Variants in TBC1D12 observed in about 807,000 individuals in gnomAD.
TBC1D12 encodes the protein TBC1 domain family, member 12.
TBC1D12 carries 56 observed loss-of-function variants against 86.7 expected under a neutral mutation model. The observed-to-expected ratio is 0.65, with a 90% CI of 0.52 to 0.81. The LOEUF is 0.81. Ranked by LOEUF, TBC1D12 falls within the 30% of genes least tolerant of loss-of-function variation. TBC1D12 has a pLI of 0.00. For missense variants in TBC1D12, 1,023 were observed against 1,038.8 expected (o/e 0.98, Z 0.21); for synonymous variants, 421 against 411.7 (o/e 1.02, Z -0.27).
At chr10:94,437,146 T>C (rs1037460152) in intron 1 of TBC1D12, among the ~76,000 whole-genome samples, 5 of 152,198 alleles carry the variant, frequency 3.3e-5, no homozygotes, top group African/African-American at 1.2e-4. Context: ...GTTAATCTTA[T>C]TGAGGATCTC....
intron 1 of TBC1D12, among the ~76,000 whole-genome samples, chr10:94,414,890 A>G (rs2054978661): frequency 6.6e-6 from 1 of 152,060 alleles, no homozygotes; most frequent in South Asian, 2.1e-4. Context: ...AAACTGAACT[A>G]TTTTTTAATA....
At chr10:94,433,676 CT>C (rs912211117) in intron 1 of TBC1D12, among the ~76,000 whole-genome samples, 8 of 152,164 alleles carry the variant, frequency 5.3e-5, no homozygotes, top group Non-Finnish European at 1.2e-4. Flanking sequence ...GTAGTTATTA[CT>C]TTCCTTTGGT....
At chr10:94,469,424 A>AC (rs2055870577) in intron 2 of TBC1D12, among the ~76,000 whole-genome samples, 2 of 144,370 alleles carry the variant, frequency 1.4e-5, no homozygotes, top group East Asian at 4.1e-4. Context: ...GAATACTGCT[A>AC]TGCTAGTTTC....
At chr10:94,435,178 A>T (rs2055277384) in intron 1 of TBC1D12, among the ~76,000 whole-genome samples, 1 of 152,192 alleles carries the variant, frequency 6.6e-6, no homozygotes, top group Non-Finnish European at 1.5e-5. Flanking sequence ...TTATATATGT[A>T]TTCCAAATGT....
intron 3 of TBC1D12, among the ~76,000 whole-genome samples, chr10:94,485,400 A>G (rs1292761536): frequency 2.0e-5 from 3 of 152,142 alleles, no homozygotes; most frequent in African/African-American, 7.2e-5. Context: ...ATTTGCATAC[A>G]TTGAAATATA....
intron 3 of TBC1D12, among the ~76,000 whole-genome samples, chr10:94,475,208 CATG>C (rs2055971254): frequency 6.6e-6 from 1 of 152,180 alleles, no homozygotes; most frequent in African/African-American, 2.4e-5. Context: ...TCCATCTTAA[CATG>C]ATAGGGCAGT....
At chr10:94,484,317 G>A (rs1040243256) in intron 3 of TBC1D12, among the ~76,000 whole-genome samples, 18 of 149,818 alleles carry the variant, frequency 1.2e-4, no homozygotes, top group South Asian at 4.2e-4. Flanking sequence ...CATGATCTCC[G>A]GCTCACCGCA....
At chr10:94,469,424 A>G (rs2055870507) in intron 2 of TBC1D12, among the ~76,000 whole-genome samples, 1 of 144,320 alleles carries the variant, frequency 6.9e-6, no homozygotes, top group African/African-American at 2.6e-5. Context: ...GAATACTGCT[A>G]TGCTAGTTTC....
At chr10:94,497,518 T>C (rs1382869798) in intron 5 of TBC1D12, among the ~76,000 whole-genome samples, 1 of 134,756 alleles carries the variant, frequency 7.4e-6, no homozygotes, top group Non-Finnish European at 1.6e-5. Context: ...GCTAAATCTT[T>C]TTTTTTTTTT....
chr10:94,415,522 A>G (rs1035994115), intron 1 of TBC1D12, among the ~76,000 whole-genome samples: 2 of 152,202 alleles, frequency 1.3e-5, no homozygotes, highest in Non-Finnish European at 2.9e-5. Flanking sequence ...TCACGAGGTC[A>G]GGAGATCGAG....
chr10:94,434,132 C>G (rs1173451752), intron 1 of TBC1D12, among the ~76,000 whole-genome samples: 1 of 152,110 alleles, frequency 6.6e-6, no homozygotes, highest in Non-Finnish European at 1.5e-5. Context: ...AGTAAGTGTA[C>G]CTAAGCTTTG....
rs1491416843 is a variant in TBC1D12, at chr10:94,418,578, ATT to A, written c.971+14995_971+14996del. On this transcript the variant is annotated intron_variant, in intron 1 of 12. Transcript: ENST00000225235. Reference sequence around the variant, plus strand: ...GTCTATTATTATTATTATTATTATTATTATATTATTTTTGAGACAGTCTCACT... The same window carrying A: ...GTCTATTATTATTATTATTATTATTAATATTATTTTTGAGACAGTCTCACT... Among the ~76,000 whole-genome samples, 750 of 151,112 alleles carry A rather than the reference ATT, an allele frequency of 5.0e-3. 13 individuals are homozygous for A. The South Asian group carries it at 0.059, about 12-fold the overall frequency.
chr10:94,459,928 G>T (rs915052059), intron 2 of TBC1D12, among the ~76,000 whole-genome samples: 1 of 152,208 alleles, frequency 6.6e-6, no homozygotes, highest in African/African-American at 2.4e-5. Context: ...GCCTCAGCCT[G>T]CCCAGAGAGG....
intron 1 of TBC1D12, among the ~76,000 whole-genome samples, chr10:94,427,556 G>C (rs923651003): frequency 1.3e-5 from 2 of 151,876 alleles, no homozygotes; most frequent in Admixed American, 1.3e-4. Flanking sequence ...TCTCAGCTGG[G>C]CATGGTGTCT....
intron 5 of TBC1D12, among the ~76,000 whole-genome samples, chr10:94,498,633 T>C (rs1486672283): frequency 6.6e-6 from 1 of 152,098 alleles, no homozygotes; most frequent in Non-Finnish European, 1.5e-5. Flanking sequence ...GTTTTGTATA[T>C]TTAGTAGAAA....
At position 94,495,435 on chromosome 10, in the gene TBC1D12, G is replaced by A. The variant is rs563965860; in HGVS notation, c.1295-1620G>A. Among the ~76,000 whole-genome samples the A allele has an allele frequency of 6.6e-5, 10 of 152,286 alleles. No individual in the cohort carries two copies. The South Asian group carries it at 1.0e-3, about 16-fold the overall frequency. On this transcript the variant is annotated intron_variant, in intron 4 of 12. Transcript: ENST00000225235. ...TCTCCCACCTGGGCCTCCCAAGAGC[G>A]TTGAGATTATAGGCATGAACCACTG... is the stretch of plus-strand genomic sequence containing the variant.
At chr10:94,417,841 C>T (rs1271341709) in intron 1 of TBC1D12, among the ~76,000 whole-genome samples, 3 of 151,512 alleles carry the variant, frequency 2.0e-5, no homozygotes, top group African/African-American at 4.9e-5. Flanking sequence ...CTCCACCTCC[C>T]GGGTTCACGC....
intron 1 of TBC1D12, among the ~76,000 whole-genome samples, chr10:94,427,028 C>A (rs987569039): frequency 6.6e-6 from 1 of 152,148 alleles, no homozygotes; most frequent in African/African-American, 2.4e-5. Flanking sequence ...ACATTTCTGT[C>A]ATCCCCAAAA....
intron 11 of TBC1D12, among the ~76,000 whole-genome samples, chr10:94,527,826 A>G (rs1308434950): frequency 6.6e-6 from 1 of 152,116 alleles, no homozygotes; most frequent in African/African-American, 2.4e-5. Context: ...TATTGAAGAG[A>G]CTGTCCTTTC....
Sources: gnomAD v4.1 joint callset for allele counts (sites outside exome capture counted in the v4.1 genomes callset) on GRCh38, gnomAD v4.1.1 for gene constraint, MANE v1.5 for transcripts, NCBI Gene and HGNC (gene_info 2026-07-23, HGNC 2026-07-21) for gene names.